DENND2A: variants seen among roughly 807,000 people sequenced by gnomAD.
The protein encoded by DENND2A is DENN domain-containing protein 2A.
In DENND2A, 53 loss-of-function variants were observed where a neutral mutation model predicts 105.3. The observed-to-expected ratio is 0.50, with a 90% CI of 0.40 to 0.63. The LOEUF (loss-of-function observed/expected upper bound fraction) is 0.63, where lower values mean the gene tolerates loss of function less well. Among genes scored for constraint, DENND2A ranks in the 30% least tolerant of loss-of-function variants. The pLI is 0.00. For missense variants in DENND2A, 1,138 were observed against 1,279.6 expected (o/e 0.89, Z 1.69); for synonymous variants, 522 against 508.4 (o/e 1.03, Z -0.36).
intron 3 of DENND2A, among the ~76,000 whole-genome samples, chr7:140,593,758 C>A (rs975912417): frequency 5.9e-5 from 9 of 152,126 alleles, no homozygotes; most frequent in Non-Finnish European, 1.2e-4. Context: ...AACCCACCCA[C>A]TTCTCTCAGT....
chr7:140,611,004 C>A (rs1799875495), intron 1 of DENND2A, among the ~76,000 whole-genome samples: 1 of 152,250 alleles, frequency 6.6e-6, no homozygotes, highest in Non-Finnish European at 1.5e-5. Flanking sequence ...GGCCTGAGGC[C>A]TGGCCTCTCG....
chr7:140,571,163 TTATC>T (rs1275371561), intron 6 of DENND2A, among the ~76,000 whole-genome samples: 1 of 152,206 alleles, frequency 6.6e-6, no homozygotes, highest in Non-Finnish European at 1.5e-5. Flanking sequence ...AATATTTTAT[TTATC>T]TATTTATTTT....
chr7:140,521,864 C>T lies in DENND2A; in HGVS notation c.2902G>A (p.Asp968Asn). The T allele has an allele frequency of 1.9e-6, 3 of 1,613,940 alleles. No individual in the cohort carries two copies. The highest frequency in any genetic ancestry group is 2.5e-6 in the Non-Finnish European group (3 of 1,179,962). ...AGAAGATGCCCCTCACCTTTGGCAT[C>T]CTGCCGGCGCAGCTCCCGCTCCTGG... is the stretch of plus-strand genomic sequence containing the variant. ...FIQERELRRQDAKGLFEVRAQ... is the reference protein window; with the variant it reads ...FIQERELRRQNAKGLFEVRAQ... The change falls in exon 18 of 20, where the codon GAT (aspartate) becomes AAT (asparagine). Residue 968 changes from aspartate (D) to asparagine (N), a missense_variant. Transcript: ENST00000496613.
Position 140,558,807 on chromosome 7 carries a change from T to TC in DENND2A, c.1890-596_1890-595insG, listed in dbSNP as rs1203239314. Among the ~76,000 whole-genome samples the TC allele has an allele frequency of 0.015, 18 of 1,196 alleles. No individual in the cohort carries two copies. In the East Asian group the frequency reaches 0.47, roughly 31 times the overall value. The allele number at this position is 1,196 out of a possible 152,430, so 0.8% of individuals were successfully genotyped here. A position where few individuals can be genotyped will look rare whatever the true frequency, so the allele number is the denominator to read the frequency against. The stretch of plus-strand genomic sequence containing the variant: ...TCCTGGGCTATCCTGTCATTTTCTC[T>TC]TTTTTTTTTTTTCAAGATGGAGTCT... On this transcript the variant is annotated intron_variant, in intron 10 of 19. Coordinates refer to ENST00000496613, the MANE Select transcript of DENND2A (RefSeq NM_015689.5).
chr7:140,639,278 G>C (rs535203687), intron 1 of DENND2A, among the ~76,000 whole-genome samples: 282 of 121,740 alleles, frequency 2.3e-3, no homozygotes, highest in African/African-American at 6.9e-3. Flanking sequence ...CTTGAACTCC[G>C]GGGGCTGAGG....
intron 15 of DENND2A, among the ~76,000 whole-genome samples, chr7:140,526,127 G>A (rs1452759449): frequency 2.6e-5 from 4 of 152,176 alleles, no homozygotes; most frequent in African/African-American, 9.7e-5. Flanking sequence ...GGCAAAAGAC[G>A]CTGCAGGCCT....
intron 3 of DENND2A, among the ~76,000 whole-genome samples, chr7:140,591,290 T>C (rs1799006885): frequency 6.6e-6 from 1 of 152,208 alleles, no homozygotes; most frequent in Non-Finnish European, 1.5e-5. Context: ...TCACTCATTT[T>C]GAGACAGAGT....
chr7:140,592,690 C>T (rs1351171108), intron 3 of DENND2A, among the ~76,000 whole-genome samples: 1 of 151,614 alleles, frequency 6.6e-6, no homozygotes, highest in Non-Finnish European at 1.5e-5. Context: ...ACCTCCGCCT[C>T]CAGGGTTCAA....
At chr7:140,557,831 C>T (rs1347072078) in intron 11 of DENND2A, among the ~76,000 whole-genome samples, 2 of 151,850 alleles carry the variant, frequency 1.3e-5, no homozygotes, top group Admixed American at 6.6e-5. Context: ...AGCCACCGCG[C>T]CCGGCCGTAT....
At chr7:140,519,084 G>T in intron 19 of DENND2A, among the ~76,000 whole-genome samples, 1 of 152,194 alleles carries the variant, frequency 6.6e-6, no homozygotes, top group East Asian at 1.9e-4. Context: ...TCTGCTTCCA[G>T]GTAGCCCTCC....
chr7:140,532,711 A>G (rs1796311286), intron 14 of DENND2A, among the ~76,000 whole-genome samples: 1 of 151,954 alleles, frequency 6.6e-6, no homozygotes, highest in African/African-American at 2.4e-5. Flanking sequence ...TGCTCAGAGG[A>G]ATGCAGGCAT....
intron 19 of DENND2A, among the ~76,000 whole-genome samples, chr7:140,519,411 C>T (rs571880396): frequency 1.4e-4 from 22 of 152,164 alleles, no homozygotes; most frequent in African/African-American, 5.1e-4. Flanking sequence ...CAAGAAAGCC[C>T]GGGGACCCAG....
chr7:140,622,633 A>G (rs1283511185), intron 1 of DENND2A, among the ~76,000 whole-genome samples: 1 of 152,160 alleles, frequency 6.6e-6, no homozygotes, highest in Non-Finnish European at 1.5e-5. Context: ...AGTGTACTGA[A>G]GTAAGCATGC....
At position 140,587,618 on chromosome 7, in the gene DENND2A, A is replaced by T. The variant is rs138274867; in HGVS notation, c.1123+35T>A. The T allele has an allele frequency of 3.7e-6, 6 of 1,611,744 alleles. No homozygotes were observed. In the African/African-American group the frequency reaches 8.0e-5, roughly 22 times the overall value. On this transcript the variant is annotated intron_variant, in intron 4 of 19. Transcript: ENST00000496613. ...TCTCCCTCCCCTTTCTCCCAGACAG[A>T]CTCAGATCCGCACACAGACGCTGTG... is the stretch of plus-strand genomic sequence containing the variant.
intron 5 of DENND2A, 99 bp downstream of exon 5, chr7:140,585,490 G>T: frequency 6.5e-7 from 1 of 1,529,778 alleles, no homozygotes; most frequent in Non-Finnish European, 8.9e-7. Context: ...AGGGCAGGTG[G>T]AGGTGGCCTG....
chr7:140,522,309 T>G (rs960071092), intron 17 of DENND2A, among the ~76,000 whole-genome samples: 1 of 152,214 alleles, frequency 6.6e-6, no homozygotes, highest in Non-Finnish European at 1.5e-5. Flanking sequence ...AAAGTTTTTA[T>G]TTTTATTTTG....
intron 1 of DENND2A, among the ~76,000 whole-genome samples, chr7:140,625,671 G>A (rs541936477): frequency 6.6e-6 from 1 of 152,240 alleles, no homozygotes; most frequent in East Asian, 1.9e-4. Context: ...GACAGAGCGA[G>A]ACTCCGCCTC....
At chr7:140,571,085 A>G (rs910156127) in intron 6 of DENND2A, among the ~76,000 whole-genome samples, 2 of 152,210 alleles carry the variant, frequency 1.3e-5, no homozygotes, top group Non-Finnish European at 2.9e-5. Context: ...TAAATGTTAT[A>G]TAACACTTTT....
chr7:140,597,990 T>TAAAGATA lies in DENND2A; in HGVS notation c.995+3412_995+3413insTATCTTT, dbSNP rs1799347094. On this transcript the variant is annotated intron_variant, in intron 3 of 19. Transcript: ENST00000496613. ...TGAAACTCAAACCTAGTAAAGATAG[T>TAAAGATA]GCAATCATCCTGTATGTATTCTGCA... Among the ~76,000 whole-genome samples, 3 of 151,382 alleles carry TAAAGATA rather than the reference T, an allele frequency of 2.0e-5. No homozygotes were observed. In the South Asian group the frequency reaches 6.3e-4, roughly 32 times the overall value.
Sources: allele counts gnomAD v4.1 joint callset (sites outside exome capture counted in the v4.1 genomes callset), GRCh38; gene constraint gnomAD v4.1.1; transcripts MANE v1.5; gene names NCBI Gene and HGNC (gene_info 2026-07-23, HGNC 2026-07-21).